The following ASTN2 variants were observed in gnomAD, a reference collection of about 807,000 sequenced individuals.
ASTN2 encodes astrotactin 2.
A neutral mutation model predicts 139.8 loss-of-function variants in ASTN2; 54 were observed. That is an observed-to-expected ratio of 0.39 (90% CI 0.31 to 0.48). ASTN2 has a LOEUF of 0.48. ASTN2 is among the 20% of genes least tolerant of loss of function. The probability of loss-of-function intolerance (pLI) is 0.95; values close to 1 mark genes in which losing one functional copy is unlikely to be tolerated. For synonymous variants in ASTN2, 756 were observed against 719.5 expected (o/e 1.05, Z -0.81); for missense variants, 1,565 against 1,725.1 (o/e 0.91, Z 1.64).
intron 5 of ASTN2, among the ~76,000 whole-genome samples, chr9:117,079,087 G>A (rs1828355614): frequency 6.6e-6 from 1 of 152,216 alleles, no homozygotes; most frequent in East Asian, 1.9e-4. Context: ...CGGGTGCAGT[G>A]AATCACACCT....
At chr9:117,208,150 G>T (rs1831999317) in intron 3 of ASTN2, among the ~76,000 whole-genome samples, 1 of 152,110 alleles carries the variant, frequency 6.6e-6, no homozygotes, top group Non-Finnish European at 1.5e-5. Context: ...TTTGCTAGCA[G>T]CAGACCCTGA....
chr9:116,670,359 G>T (rs779404859), intron 16 of ASTN2, among the ~76,000 whole-genome samples: 1 of 152,064 alleles, frequency 6.6e-6, no homozygotes, highest in African/African-American at 2.4e-5. Flanking sequence ...AAGGGCAGGA[G>T]GTAGAAGGGC....
chr9:117,407,724 C>A (rs1251623116), intron 1 of ASTN2, among the ~76,000 whole-genome samples: 4 of 152,176 alleles, frequency 2.6e-5, no homozygotes, highest in East Asian at 1.9e-4. Flanking sequence ...AAGGAGAGAA[C>A]AAGTGCTAGA....
chr9:116,707,918 C>T (rs1399883188), intron 16 of ASTN2, among the ~76,000 whole-genome samples: 2 of 152,146 alleles, frequency 1.3e-5, no homozygotes, highest in African/African-American at 4.8e-5. Flanking sequence ...TTAATCAGAA[C>T]TATTGCCCTG....
chr9:116,837,489 A>G (rs2132295067), intron 11 of ASTN2, among the ~76,000 whole-genome samples: 1 of 152,194 alleles, frequency 6.6e-6, no homozygotes, highest in Non-Finnish European at 1.5e-5. Flanking sequence ...GGCTCCCCCG[A>G]GCTTCTTCCT....
chr9:116,717,876 G>A (rs1162550125), intron 16 of ASTN2, among the ~76,000 whole-genome samples: 5 of 152,210 alleles, frequency 3.3e-5, no homozygotes, highest in African/African-American at 1.2e-4. Flanking sequence ...ACAACACTTT[G>A]CCTATACCAC....
Position 117,096,987 on chromosome 9 carries a change from T to A in ASTN2, c.1169-836A>T, listed in dbSNP as rs542356399. Among the ~76,000 whole-genome samples, 8 of 152,236 alleles carry A rather than the reference T, an allele frequency of 5.3e-5. No individual in the cohort carries two copies. The South Asian group carries it at 1.7e-3, about 32-fold the overall frequency. On this transcript the variant is annotated intron_variant, in intron 4 of 22. Coordinates refer to ENST00000313400, the MANE Select transcript of ASTN2 (RefSeq NM_001365068.1). ...GGGTGCCAAACGGAGGATAGGGAGCTTTACTTTTGGTTTCATGGAAGGTTC... is the reference window on the plus strand; with the variant it reads ...GGGTGCCAAACGGAGGATAGGGAGCATTACTTTTGGTTTCATGGAAGGTTC...
At chr9:116,803,511 TATATA>T in intron 13 of ASTN2, among the ~76,000 whole-genome samples, 1 of 8,046 alleles carries the variant, frequency 1.2e-4, no homozygotes, top group Non-Finnish European at 2.1e-4. Flanking sequence ...TATATATATA[TATATA>T]TATATATTTT....
intron 3 of ASTN2, among the ~76,000 whole-genome samples, chr9:117,162,291 G>A (rs950291540): frequency 5.3e-5 from 8 of 152,076 alleles, no homozygotes; most frequent in African/African-American, 1.9e-4. Context: ...GGCAAGTGTA[G>A]AGAGAAGGGT....
intron 4 of ASTN2, among the ~76,000 whole-genome samples, chr9:117,100,297 T>A (rs866649408): frequency 6.9e-6 from 1 of 145,390 alleles, no homozygotes; most frequent in Admixed American, 6.7e-5. Flanking sequence ...TAAAGTACCA[T>A]GTGTTCAGAG....
chr9:116,696,496 T>C (rs1446286339), intron 16 of ASTN2, among the ~76,000 whole-genome samples: 1 of 152,214 alleles, frequency 6.6e-6, no homozygotes, highest in African/African-American at 2.4e-5. Context: ...TTTTATACTT[T>C]GTTAAGGTTG....
chr9:116,428,801 C>T (rs1847396042), intron 22 of ASTN2, among the ~76,000 whole-genome samples: 1 of 152,126 alleles, frequency 6.6e-6, no homozygotes, highest in Admixed American at 6.5e-5. Context: ...CCTCAGTTTT[C>T]TTACCTTACC....
At chr9:117,301,685 C>A (rs566655398) in intron 1 of ASTN2, among the ~76,000 whole-genome samples, 1 of 152,308 alleles carries the variant, frequency 6.6e-6, no homozygotes, top group Admixed American at 6.5e-5. Flanking sequence ...GGCATCCTTC[C>A]AGGTCACTCA....
At chr9:117,184,351 G>A (rs905811330) in intron 3 of ASTN2, among the ~76,000 whole-genome samples, 1 of 152,180 alleles carries the variant, frequency 6.6e-6, no homozygotes, top group African/African-American at 2.4e-5. Context: ...CTGCTTCCTG[G>A]GGTGATGAAC....
intron 13 of ASTN2, among the ~76,000 whole-genome samples, chr9:116,736,919 C>T (rs750810591): frequency 6.6e-6 from 1 of 152,110 alleles, no homozygotes; most frequent in Non-Finnish European, 1.5e-5. Flanking sequence ...AAATCTGACC[C>T]CAACGGGACA....
chr9:116,482,802 C>G (rs1370775164), intron 20 of ASTN2, among the ~76,000 whole-genome samples: 1 of 152,180 alleles, frequency 6.6e-6, no homozygotes, highest in African/African-American at 2.4e-5. Context: ...GGCTACAGTC[C>G]CCAGGCTCCC....
chr9:117,190,624 T>C (rs569875558), intron 3 of ASTN2, among the ~76,000 whole-genome samples: 16 of 152,098 alleles, frequency 1.1e-4, no homozygotes, highest in Non-Finnish European at 2.2e-4. Flanking sequence ...CTCCTCCCTA[T>C]TCCTCTAGTG....
chr9:116,992,035 A>G (rs960290431), intron 7 of ASTN2, among the ~76,000 whole-genome samples: 27 of 152,226 alleles, frequency 1.8e-4, no homozygotes, highest in African/African-American at 6.5e-4. Flanking sequence ...CAAGCCCAGA[A>G]AAGCAATGCC....
chr9:116,578,676 T>A (rs1278150583), intron 19 of ASTN2, among the ~76,000 whole-genome samples: 1 of 145,210 alleles, frequency 6.9e-6, no homozygotes, highest in Admixed American at 7.0e-5. Context: ...GTTTCTACTG[T>A]ACAGTACCAA....
Sources: allele counts gnomAD v4.1 joint callset (sites outside exome capture counted in the v4.1 genomes callset), GRCh38; gene constraint gnomAD v4.1.1; transcripts MANE v1.5; gene names NCBI Gene and HGNC (gene_info 2026-07-23, HGNC 2026-07-21).